Variants in NOL8 observed in about 807,000 individuals in gnomAD.
The protein encoded by NOL8 is nucleolar protein 8.
A neutral mutation model predicts 116.1 loss-of-function variants in NOL8; 93 were observed. That is an observed-to-expected ratio of 0.80 (90% CI 0.68 to 0.95). The LOEUF (loss-of-function observed/expected upper bound fraction) is 0.95. Ranked by LOEUF, NOL8 falls within the 40% of genes least tolerant of loss-of-function variation. The pLI, the probability that NOL8 is intolerant of heterozygous loss-of-function variation, is 0.00. For missense variants in NOL8, 1,291 were observed against 1,382.8 expected, an observed-to-expected ratio of 0.93 and a Z score of 1.05; for synonymous variants, 419 against 469.0, an observed-to-expected ratio of 0.89 and a Z score of 1.38.
At chr9:92,313,951 G>C (rs1023062157) in intron 7 of NOL8, among the ~76,000 whole-genome samples, 9 of 152,204 alleles carry the variant, frequency 5.9e-5, no homozygotes, top group African/African-American at 1.9e-4. Context: ...ACAATTGTTA[G>C]AAGAATGAAC....
At chr9:92,305,718 A>T in intron 12 of NOL8, 35 bp downstream of exon 12, 1 of 1,372,550 alleles carries the variant, frequency 7.3e-7, no homozygotes, top group Non-Finnish European at 1.0e-6. Flanking sequence ...ATTAATTTAC[A>T]TGATCCTATT....
At chr9:92,308,364 AAAAAAT>A (rs201336769) in intron 10 of NOL8, among the ~76,000 whole-genome samples, 1,541 of 152,294 alleles carry the variant, frequency 0.01, 22 homozygotes, top group African/African-American at 0.033. Context: ...CCTGTCTCCA[AAAAAAT>A]AAAAATAAAA....
chr9:92,297,555 C>T lies in NOL8; in HGVS notation c.*281G>A, dbSNP rs982341779. Reference sequence around the variant, plus strand: ...TGCATGAGAAGATGTCCATTAGTTACTCAGGATAGAGGGCAAAGAGATTAT... The same window carrying T: ...TGCATGAGAAGATGTCCATTAGTTATTCAGGATAGAGGGCAAAGAGATTAT... On this transcript the variant is annotated 3_prime_UTR_variant, in exon 17 of 17. Transcript: ENST00000442668. 1.3e-5 allele frequency: 4 copies of T among 317,662 alleles called. No homozygotes were observed. Among genetic ancestry groups the T allele is most frequent in the Admixed American group, 9.5e-5 (2 of 21,066 alleles). 19.7% of individuals were successfully genotyped at this position (317,662 alleles called of 1,614,324 possible).
chr9:92,300,277 T>C (rs181840274), intron 13 of NOL8: 2 of 1,021,946 alleles, frequency 2.0e-6, no homozygotes, highest in Admixed American at 1.1e-4. Flanking sequence ...GTTTAAAAAA[T>C]AAAGGTTTAT....
intron 12 of NOL8, among the ~76,000 whole-genome samples, chr9:92,303,364 T>C (rs1048382941): frequency 2.6e-5 from 4 of 152,096 alleles, no homozygotes; most frequent in Non-Finnish European, 5.9e-5. Flanking sequence ...TCATTTGAAA[T>C]GATAGGGGGA....
chr9:92,321,748 T>G lies in NOL8; in HGVS notation c.203-2A>C. 1 of 1,346,958 alleles carries G rather than the reference T, an allele frequency of 7.4e-7. No homozygotes were observed. Among genetic ancestry groups the G allele is most frequent in the Non-Finnish European group, 1.0e-6 (1 of 987,630 alleles). 83.4% of individuals were successfully genotyped at this position (1,346,958 alleles called of 1,614,324 possible). A position where few individuals can be genotyped will look rare whatever the true frequency, so the allele number is the denominator to read the frequency against. The stretch of plus-strand genomic sequence containing the variant: ...TTGTTTTATTTAAAACAGACATACC[T>G]ATAAAGTAAAGAATTATTACAAGTA... On this transcript the variant is annotated splice_acceptor_variant, in intron 3 of 16. Coordinates refer to ENST00000442668, the MANE Select transcript of NOL8 (RefSeq NM_017948.6). LOFTEE classifies it high-confidence loss of function.
At position 92,297,679 on chromosome 9, in the gene NOL8, C is replaced by A; in HGVS notation, c.*157G>T. On this transcript the variant is annotated 3_prime_UTR_variant, in exon 17 of 17. Coordinates refer to ENST00000442668, the MANE Select transcript of NOL8 (RefSeq NM_017948.6). ...CTTAGGAAGAAATGCAGAGGAGTTC[C>A]ACAGAAAAAGATGGCAACCAGAATG... is the stretch of plus-strand genomic sequence containing the variant. The A allele has an allele frequency of 1.7e-6, 1 of 593,714 alleles. No individual in the cohort carries two copies. Among genetic ancestry groups the A allele is most frequent in the Non-Finnish European group, 3.0e-6 (1 of 335,830 alleles). 36.8% of individuals were successfully genotyped at this position (593,714 alleles called of 1,614,324 possible).
intron 13 of NOL8, chr9:92,300,571 G>A (rs1338181097): frequency 1.3e-5 from 13 of 994,488 alleles, no homozygotes; most frequent in East Asian, 1.1e-4. Flanking sequence ...TTTAGGACTC[G>A]TTTCAAGGTC....
intron 7 of NOL8, among the ~76,000 whole-genome samples, chr9:92,312,565 G>A (rs1012338038): frequency 6.0e-5 from 9 of 149,642 alleles, no homozygotes; most frequent in Admixed American, 2.0e-4. Flanking sequence ...AGTAGCTCAC[G>A]CCTGTAATCC....
rs951280086 is a variant in NOL8 at position 92,304,808 on chromosome 9, C to T, written c.2903+945G>A. Among the ~76,000 whole-genome samples, 13 of 152,146 alleles carry T rather than the reference C, an allele frequency of 8.5e-5. 1 individual carries two copies. Among genetic ancestry groups the T allele is most frequent in the African/African-American group, 3.1e-4 (13 of 41,420 alleles). On this transcript the variant is annotated intron_variant, in intron 12 of 16. Coordinates refer to ENST00000442668, the MANE Select transcript of NOL8 (RefSeq NM_017948.6). ...GAAGATTAACATTGGTAGATTACCA[C>T]TAACTAAACTCAGACATTGTTTTGA... is the stretch of plus-strand genomic sequence containing the variant.
At position 92,305,757 on chromosome 9, in the gene NOL8, C is replaced by T; in HGVS notation, c.2899G>A (p.Glu967Lys). The part of the protein sequence containing the change: ...YERKRDDKPK[E>K]SKAKRKKKRE... ...AAAAGAAGTAGCTCTACTTACCTTT[C>T]TTTTGGCTTATCATCTCTTTTTCTT... The change falls in exon 12 of 17, where the codon GAA becomes AAA. Residue 967 changes from glutamate to lysine, a missense_variant. Physicochemically the swap from Glu to Lys is moderately conservative, Grantham distance 56. Coordinates refer to ENST00000442668, the MANE Select transcript of NOL8 (RefSeq NM_017948.6). 6.2e-7 allele frequency: 1 copy of T among 1,602,674 alleles called. No individual in the cohort carries two copies. Among genetic ancestry groups the T allele is most frequent in the South Asian group, 1.1e-5 (1 of 90,856 alleles).
intron 7 of NOL8, 32 bp downstream of exon 7, chr9:92,314,235 T>C (rs779830314): frequency 1.3e-6 from 2 of 1,512,510 alleles, no homozygotes; most frequent in East Asian, 2.3e-5. Context: ...TTCTGAGTTC[T>C]TGTTAAATCC....
intron 10 of NOL8, among the ~76,000 whole-genome samples, chr9:92,309,380 CTA>C (rs1178665301): frequency 1.2e-4 from 18 of 151,906 alleles, no homozygotes; most frequent in African/African-American, 4.1e-4. Flanking sequence ...CAAGACCTAA[CTA>C]TGTCTGTAGA....
chr9:92,311,226 T>A lies in NOL8; in HGVS notation c.2392A>T (p.Ile798Phe). 6.2e-7 allele frequency: 1 copy of A among 1,613,854 alleles called. No individual in the cohort carries two copies. Among genetic ancestry groups the A allele is most frequent in the South Asian group, 1.1e-5 (1 of 91,064 alleles). ...TCACATTCACTGTCAGAACCGAAGA[T>A]GATGTGCGTTGGCTTATCCTCTGGA... ...GHPEDKPTHI[I>F]FGSDSECETE... is the part of the protein sequence containing the mutation. Residue 798 changes from isoleucine to phenylalanine, a missense_variant, in exon 8 of 17, where the codon ATC becomes TTC. Transcript: ENST00000442668.
rs868278748 is a variant in NOL8, at chr9:92,305,834, T to C, written c.2826-4A>G. 3.7e-6 allele frequency: 6 copies of C among 1,606,772 alleles called. No individual in the cohort carries two copies. The highest frequency in any genetic ancestry group is 3.4e-4 in the Middle Eastern group (2 of 5,866). The stretch of plus-strand genomic sequence containing the variant: ...TGGATCATAATGTATGATGTCCCTA[T>C]GTAAAAAAAGGAAGGGAGGTTGGAA... On this transcript the variant is annotated splice_polypyrimidine_tract_variant and splice_region_variant and intron_variant, in intron 11 of 16. Transcript: ENST00000442668.
At chr9:92,298,410 T>G (rs1017577201) in intron 15 of NOL8, 74 bp from the exon 16 acceptor site, 8 of 888,396 alleles carry the variant, frequency 9.0e-6, no homozygotes, top group Non-Finnish European at 1.4e-5. Context: ...GTGTTGGCAT[T>G]ATCAAGGTCT....
intron 3 of NOL8, 120 bp from the exon 4 acceptor site, chr9:92,321,866 G>A (rs1262839583): frequency 5.2e-6 from 3 of 572,634 alleles, no homozygotes; most frequent in South Asian, 2.5e-5. Flanking sequence ...AGATCCAGGG[G>A]AAGTGGAAGA....
At chr9:92,302,811 C>A (rs187364316) in intron 12 of NOL8, among the ~76,000 whole-genome samples, 1 of 152,186 alleles carries the variant, frequency 6.6e-6, no homozygotes, top group African/African-American at 2.4e-5. Flanking sequence ...ACTAAGATCA[C>A]AGCAAAAGCT....
chr9:92,308,372 A>C (rs1838467549), intron 10 of NOL8, among the ~76,000 whole-genome samples: 1 of 152,204 alleles, frequency 6.6e-6, no homozygotes, highest in African/African-American at 2.4e-5. Flanking sequence ...CAAAAAAATA[A>C]AAATAAAATG....
Sources: allele counts gnomAD v4.1 joint callset (sites outside exome capture counted in the v4.1 genomes callset), GRCh38; gene constraint gnomAD v4.1.1; transcripts MANE v1.5; gene names NCBI Gene and HGNC (gene_info 2026-07-23, HGNC 2026-07-21).